CREB5: variants seen among roughly 807,000 people sequenced by gnomAD.
The protein encoded by CREB5 is cAMP responsive element binding protein 5, also known as cyclic AMP-responsive element-binding protein 5.
Under a neutral mutation model 57.1 loss-of-function variants are expected in CREB5, and 19 were observed. The ratio of observed to expected loss-of-function variants is 0.33; its 90% CI spans 0.23 to 0.49. The LOEUF (loss-of-function observed/expected upper bound fraction) is 0.49, where lower values mean the gene tolerates loss of function less well. Among genes scored for constraint, CREB5 ranks in the 20% least tolerant of loss-of-function variants. CREB5 has a pLI of 0.99. For missense variants in CREB5, 579 were observed against 671.6 expected, an observed-to-expected ratio of 0.86 and a Z score of 1.52; for synonymous variants, 238 against 238.3, an observed-to-expected ratio of 1.00 and a Z score of 0.01.
At chr7:28,673,657 CTTTTTTTT>C (rs549391329) in intron 5 of CREB5, among the ~76,000 whole-genome samples, 3 of 55,764 alleles carry the variant, frequency 5.4e-5, no homozygotes, top group Non-Finnish European at 9.4e-5. Context: ...CTCTCTCTCT[CTTTTTTTT>C]TTTTTTTTTT....
chr7:28,529,427 C>T (rs1793625085), intron 4 of CREB5, among the ~76,000 whole-genome samples: 1 of 152,180 alleles, frequency 6.6e-6, no homozygotes, highest in Non-Finnish European at 1.5e-5. Flanking sequence ...TCACAGATGT[C>T]CCAAGTTTCC....
chr7:28,375,126 A>T (rs1173497619), intron 1 of CREB5, among the ~76,000 whole-genome samples: 1 of 152,248 alleles, frequency 6.6e-6, no homozygotes, highest in Non-Finnish European at 1.5e-5. Flanking sequence ...GCATACCTCC[A>T]TAAAGCTGTA....
At chr7:28,325,018 C>G (rs1442828311) in intron 1 of CREB5, among the ~76,000 whole-genome samples, 1 of 152,224 alleles carries the variant, frequency 6.6e-6, no homozygotes, top group African/African-American at 2.4e-5. Context: ...CTGCCCACTT[C>G]TTTTACCTCC....
At chr7:28,560,861 T>TGCGCGTGTGC (rs1358670336) in intron 4 of CREB5, among the ~76,000 whole-genome samples, 5 of 45,864 alleles carry the variant, frequency 1.1e-4, no homozygotes, top group Non-Finnish European at 1.9e-4. Flanking sequence ...TGTGTGTGCG[T>TGCGCGTGTGC]GTGCCTGCGT....
At chr7:28,487,346 G>T (rs2128593548) in intron 1 of CREB5, among the ~76,000 whole-genome samples, 1 of 152,190 alleles carries the variant, frequency 6.6e-6, no homozygotes, top group Middle Eastern at 3.4e-3. Context: ...CAAAGTGCTG[G>T]GATTACAGGC....
At chr7:28,315,978 A>G (rs1399188642) in intron 1 of CREB5, among the ~76,000 whole-genome samples, 1 of 152,104 alleles carries the variant, frequency 6.6e-6, no homozygotes, top group Non-Finnish European at 1.5e-5. Context: ...TGCCAACCAC[A>G]TTTCCTCCGG....
intron 4 of CREB5, among the ~76,000 whole-genome samples, chr7:28,529,258 A>G (rs1793613049): frequency 6.6e-6 from 1 of 152,202 alleles, no homozygotes; most frequent in Non-Finnish European, 1.5e-5. Context: ...GTCACTGACT[A>G]TGGAGCTCTG....
intron 5 of CREB5, among the ~76,000 whole-genome samples, chr7:28,589,775 T>C (rs923807880): frequency 3.5e-5 from 4 of 115,710 alleles, no homozygotes; most frequent in African/African-American, 1.5e-4. Flanking sequence ...AGGTAGTGAG[T>C]ATTCCATTTT....
chr7:28,733,273 C>T (rs1803769033), intron 7 of CREB5, among the ~76,000 whole-genome samples: 1 of 152,132 alleles, frequency 6.6e-6, no homozygotes, highest in Admixed American at 6.5e-5. Context: ...TTCACATGCA[C>T]CCTTTTCTGG....
chr7:28,583,324 C>G (rs1796186985), intron 5 of CREB5, among the ~76,000 whole-genome samples: 1 of 152,136 alleles, frequency 6.6e-6, no homozygotes, highest in South Asian at 2.1e-4. Context: ...ACCAGTGATG[C>G]CATCATCATC....
At chr7:28,726,009 A>G (rs767158945) in intron 7 of CREB5, among the ~76,000 whole-genome samples, 1 of 152,202 alleles carries the variant, frequency 6.6e-6, no homozygotes, top group African/African-American at 2.4e-5. Flanking sequence ...GCAGGTTTAT[A>G]CTTATTTATA....
intron 7 of CREB5, among the ~76,000 whole-genome samples, chr7:28,743,112 G>T (rs1804471487): frequency 6.6e-6 from 1 of 152,144 alleles, no homozygotes. Flanking sequence ...CGAGTGTTGA[G>T]ACTTGGATGA....
chr7:28,591,247 G>A (rs1005527441), intron 5 of CREB5, among the ~76,000 whole-genome samples: 2 of 152,198 alleles, frequency 1.3e-5, no homozygotes, highest in African/African-American at 4.8e-5. Context: ...GTAGCTTGAA[G>A]TCACAGAGTG....
At chr7:28,394,549 T>C (rs1787300050) in intron 1 of CREB5, among the ~76,000 whole-genome samples, 1 of 152,190 alleles carries the variant, frequency 6.6e-6, no homozygotes. Flanking sequence ...CTGTATTAAT[T>C]TCAGATAAGT....
At chr7:28,605,920 A>G (rs1164491827) in intron 5 of CREB5, among the ~76,000 whole-genome samples, 1 of 152,142 alleles carries the variant, frequency 6.6e-6, no homozygotes, top group African/African-American at 2.4e-5. Flanking sequence ...AGGTGACAAA[A>G]ATGTCTTATA....
At chr7:28,436,416 C>T (rs1788964792) in intron 1 of CREB5, among the ~76,000 whole-genome samples, 1 of 152,128 alleles carries the variant, frequency 6.6e-6, no homozygotes, top group Admixed American at 6.5e-5. Flanking sequence ...CCATGTTTGC[C>T]CTATTAAGTG....
intron 4 of CREB5, among the ~76,000 whole-genome samples, chr7:28,561,471 G>T (rs991055433): frequency 6.6e-6 from 1 of 152,174 alleles, no homozygotes; most frequent in Non-Finnish European, 1.5e-5. Context: ...ACGTTTATTG[G>T]ACAGTTAATT....
intron 1 of CREB5, among the ~76,000 whole-genome samples, chr7:28,313,927 T>C (rs1357923906): frequency 6.6e-6 from 1 of 152,192 alleles, no homozygotes; most frequent in Non-Finnish European, 1.5e-5. Context: ...CAAAAATATA[T>C]AATTTTAATA....
chr7:28,317,699 T>A (rs536424964), intron 1 of CREB5, among the ~76,000 whole-genome samples: 1 of 152,364 alleles, frequency 6.6e-6, no homozygotes, highest in Non-Finnish European at 1.5e-5. Flanking sequence ...ATCTATGTAA[T>A]TAGCACAGTG....
Sources: allele counts gnomAD v4.1 joint callset (sites outside exome capture counted in the v4.1 genomes callset), GRCh38; gene constraint gnomAD v4.1.1; transcripts MANE v1.5; gene names NCBI Gene and HGNC (gene_info 2026-07-23, HGNC 2026-07-21).